The following UBE3D variants were observed in gnomAD, a reference collection of about 807,000 sequenced individuals.
The protein encoded by UBE3D is ubiquitin protein ligase E3D.
A neutral mutation model predicts 49.6 loss-of-function variants in UBE3D; 48 were observed. The observed-to-expected ratio is 0.97, with a 90% CI of 0.77 to 1.23. The LOEUF is 1.23. Ranked by LOEUF, UBE3D falls within the 50% of genes most tolerant of loss-of-function variation. The pLI is 0.00. For synonymous variants in UBE3D, 189 were observed against 174.2 expected (o/e 1.08, Z -0.67); for missense variants, 452 against 468.4 (o/e 0.96, Z 0.32).
chr6:82,899,788 T>C (rs546693772), intron 9 of UBE3D, among the ~76,000 whole-genome samples: 18 of 152,362 alleles, frequency 1.2e-4, no homozygotes, highest in Admixed American at 8.5e-4. Flanking sequence ...GATGGTGCTA[T>C]TGTAACACTG....
At chr6:82,883,148 C>T in the UBE3D span, among the ~76,000 whole-genome samples, 2 of 152,060 alleles carry the variant, frequency 1.3e-5, no homozygotes, top group African/African-American at 4.8e-5. Flanking sequence ...AATACATTTC[C>T]TACAGGACAA....
chr6:83,022,012 A>C (rs1444172257), intron 7 of UBE3D, among the ~76,000 whole-genome samples: 1 of 152,156 alleles, frequency 6.6e-6, no homozygotes, highest in African/African-American at 2.4e-5. Context: ...AGTTTGATTT[A>C]TGAATTAAAC....
intron 9 of UBE3D, among the ~76,000 whole-genome samples, chr6:82,942,799 G>A (rs572319397): frequency 2.0e-5 from 3 of 152,362 alleles, no homozygotes; most frequent in African/African-American, 4.8e-5. Flanking sequence ...GAGCCCTTAC[G>A]GAGAACCTCT....
At chr6:83,007,673 G>A (rs1483070066) in intron 8 of UBE3D, among the ~76,000 whole-genome samples, 9 of 152,232 alleles carry the variant, frequency 5.9e-5, no homozygotes, top group Middle Eastern at 6.8e-3. Context: ...CACCGGGTAC[G>A]GTGGCTCATG....
At chr6:82,957,536 T>C in intron 8 of UBE3D, 86 bp from the exon 9 acceptor site, 1 of 1,461,134 alleles carries the variant, frequency 6.8e-7, no homozygotes, top group Non-Finnish European at 9.2e-7. Context: ...AACTCAATTG[T>C]GAGAGAAAAA....
chr6:82,986,872 AAATT>A (rs998400872), intron 8 of UBE3D, among the ~76,000 whole-genome samples: 256 of 149,114 alleles, frequency 1.7e-3, no homozygotes, highest in African/African-American at 6.0e-3. Flanking sequence ...TATATATAAT[AAATT>A]AATTATATTA....
intron 8 of UBE3D, among the ~76,000 whole-genome samples, chr6:83,012,288 T>C (rs1780392062): frequency 6.6e-6 from 1 of 152,202 alleles, no homozygotes. Context: ...CTTTCCATGA[T>C]GGAAGAGGTC....
intron 9 of UBE3D, among the ~76,000 whole-genome samples, chr6:82,893,350 A>G (rs1771075175): frequency 6.6e-6 from 1 of 152,082 alleles, no homozygotes; most frequent in South Asian, 2.1e-4. Context: ...ATTCACAACT[A>G]TTGTTTTGGA....
At chr6:82,935,323 G>T (rs1774486922) in intron 9 of UBE3D, among the ~76,000 whole-genome samples, 2 of 152,054 alleles carry the variant, frequency 1.3e-5, no homozygotes, top group Admixed American at 6.6e-5. Flanking sequence ...GCTAGCCCAT[G>T]CCATTCATGA....
In UBE3D at chr6:82,924,820, C is replaced by T. The variant is rs971588242; in HGVS notation, c.1150-31778G>A. 1.4e-4 allele frequency: 21 copies of T among 152,080 alleles called. No homozygotes were observed. In the South Asian group the frequency reaches 2.1e-3, roughly 15 times the overall value. 9.4% of individuals were successfully genotyped at this position (152,080 alleles called of 1,614,324 possible). A position where few individuals can be genotyped will look rare whatever the true frequency, so the allele number is the denominator to read the frequency against. ...GCATAGTATTTATAGTAAACATTATCCTTCCTTTGACTGAACCTAACTAAA... is the reference window on the plus strand; with the variant it reads ...GCATAGTATTTATAGTAAACATTATTCTTCCTTTGACTGAACCTAACTAAA... On this transcript the variant is annotated intron_variant, in intron 9 of 9. Transcript: ENST00000369747.
intron 1 of UBE3D, among the ~76,000 whole-genome samples, chr6:83,064,315 C>T (rs148165404): frequency 0.018 from 2,768 of 152,250 alleles, 50 homozygotes; most frequent in Admixed American, 0.061. Flanking sequence ...CCTCCGCCTC[C>T]CGGGTTCACT....
chr6:82,952,711 C>T (rs1052662177), intron 9 of UBE3D, among the ~76,000 whole-genome samples: 1 of 152,146 alleles, frequency 6.6e-6, no homozygotes, highest in Admixed American at 6.6e-5. Flanking sequence ...GTGTGAGCTA[C>T]TTTGGAGCAG....
At chr6:83,040,311 G>A (rs1434466147) in intron 4 of UBE3D, among the ~76,000 whole-genome samples, 3 of 152,004 alleles carry the variant, frequency 2.0e-5, no homozygotes, top group African/African-American at 4.8e-5. Context: ...AGGAACCCGG[G>A]AGGGGAAGGT....
rs754952221 is a variant in UBE3D, at chr6:83,022,561, C to T, written c.738G>A (p.Arg246=). Residue 246 remains arginine (R), a splice_region_variant and synonymous_variant, in exon 7 of 10, where the codon AGG becomes AGA. Coordinates refer to ENST00000369747, the MANE Select transcript of UBE3D (RefSeq NM_198920.3). The part of the protein sequence containing the change: ...SSERSFPIIP[R]SWFVQSVIAQ... ...CGATCACGCTCTGGACAAACCAAGA[C>T]CTGTTTGAACAGAAATCAATTTTTA... The T allele has an allele frequency of 1.9e-6, 3 of 1,563,206 alleles. No individual in the cohort carries two copies. The highest frequency in any genetic ancestry group is 1.2e-5 in the South Asian group (1 of 82,592).
chr6:82,959,936 G>A (rs927829375), intron 8 of UBE3D, among the ~76,000 whole-genome samples: 14 of 151,988 alleles, frequency 9.2e-5, no homozygotes, highest in African/African-American at 2.9e-4. Context: ...CCTTCATGAC[G>A]GGAAATAGTT....
chr6:82,942,053 G>C (rs1391242234), intron 9 of UBE3D, among the ~76,000 whole-genome samples: 1 of 152,208 alleles, frequency 6.6e-6, no homozygotes, highest in Non-Finnish European at 1.5e-5. Flanking sequence ...GGAGGGCTCA[G>C]AGGAAGACAG....
At chr6:82,957,014 A>AGGGAG (rs1776203459) in intron 9 of UBE3D, among the ~76,000 whole-genome samples, 1 of 152,072 alleles carries the variant, frequency 6.6e-6, no homozygotes. Flanking sequence ...CTGTAGTCCC[A>AGGGAG]GCTACTCGGG....
chr6:82,886,187 G>A, the UBE3D span, among the ~76,000 whole-genome samples: 54 of 152,302 alleles, frequency 3.5e-4, 1 homozygote, highest in Admixed American at 2.6e-3. Flanking sequence ...CTTTGCTTAC[G>A]TAAGGCAGCG....
At chr6:82,912,705 T>C (rs1772617975) in intron 9 of UBE3D, among the ~76,000 whole-genome samples, 1 of 152,210 alleles carries the variant, frequency 6.6e-6, no homozygotes, top group Non-Finnish European at 1.5e-5. Context: ...GTATTTGCTA[T>C]TGCAAAATTA....
Sources: allele counts gnomAD v4.1 joint callset (sites outside exome capture counted in the v4.1 genomes callset), GRCh38; gene constraint gnomAD v4.1.1; transcripts MANE v1.5; gene names NCBI Gene and HGNC (gene_info 2026-07-23, HGNC 2026-07-21).